Variants in ERMP1 observed in about 807,000 individuals in gnomAD.
The protein encoded by ERMP1 is Felix-ina.
A neutral mutation model predicts 92.0 loss-of-function variants in ERMP1; 86 were observed. The observed-to-expected ratio is 0.93, with a 90% confidence interval of 0.79 to 1.12. The LOEUF (loss-of-function observed/expected upper bound fraction) is 1.12, where lower values mean the gene tolerates loss of function less well. ERMP1 is among the 50% of genes most tolerant of loss of function. The pLI is 0.00. For missense variants in ERMP1, 1,342 were observed against 1,116.3 expected (o/e 1.20, Z -2.88); for synonymous variants, 530 against 412.8 (o/e 1.28, Z -3.44).
chr9:5,838,375 C>G (rs992096613), intron 6 of ERMP1, among the ~76,000 whole-genome samples: 6 of 151,910 alleles, frequency 3.9e-5, no homozygotes, highest in African/African-American at 1.5e-4. Context: ...GACCCCATCT[C>G]TACAAAAAAT....
At chr9:5,834,991 G>A (rs1830074084), upstream of ERMP1, among the ~76,000 whole-genome samples, 2 of 146,780 alleles carry the variant, frequency 1.4e-5, no homozygotes, top group Non-Finnish European at 3.0e-5. Context: ...GTGTGTGTGT[G>A]TGTGTGTGTG....
At chr9:5,816,462 T>C (rs571562464) in intron 4 of ERMP1, among the ~76,000 whole-genome samples, 37 of 152,308 alleles carry the variant, frequency 2.4e-4, no homozygotes, top group Admixed American at 2.4e-3. Flanking sequence ...GTTGATCAAC[T>C]TGGTTGGAAA....
intron 4 of ERMP1, among the ~76,000 whole-genome samples, chr9:5,815,817 A>G (rs1034403595): frequency 6.6e-6 from 1 of 152,222 alleles, no homozygotes; most frequent in African/African-American, 2.4e-5. Context: ...AGACAAACAG[A>G]TACCACATGC....
At chr9:5,857,836 A>G (rs910174679) in intron 6 of ERMP1, among the ~76,000 whole-genome samples, 6 of 152,250 alleles carry the variant, frequency 3.9e-5, no homozygotes, top group Admixed American at 2.6e-4. Flanking sequence ...AGCACCTAGC[A>G]ATAAGCTATG....
Position 5,787,186 on chromosome 9 carries a change from A to C in ERMP1, c.2673T>G (p.Phe891Leu). The stretch of plus-strand genomic sequence containing the variant: ...CGTAGGTGCACACCCAGGCAGAGGG[A>C]AATGTCCAATCTGGGAACTTTTCCT... The part of the protein sequence containing the change: ...ALKEKFPDWT[F>L]PSAWVCTYDL... The change falls in exon 15 of 15, where the codon TTT (phenylalanine) becomes TTG (leucine). Residue 891 changes from phenylalanine (F) to leucine (L), a missense_variant. Phe to Leu is a conservative substitution (Grantham distance 22). Transcript: ENST00000339450. 1 of 1,614,096 alleles carries C rather than the reference A, an allele frequency of 6.2e-7. No homozygotes were observed. Among genetic ancestry groups the C allele is most frequent in the Non-Finnish European group, 8.5e-7 (1 of 1,179,986 alleles).
At chr9:5,815,148 A>G (rs1829253254) in intron 4 of ERMP1, among the ~76,000 whole-genome samples, 1 of 152,242 alleles carries the variant, frequency 6.6e-6, no homozygotes, top group African/African-American at 2.4e-5. Context: ...CAAAACTCAT[A>G]GAATTCAAGC....
At chr9:5,808,978 C>T (rs1002474616) in intron 8 of ERMP1, among the ~76,000 whole-genome samples, 1 of 152,104 alleles carries the variant, frequency 6.6e-6, no homozygotes, top group Admixed American at 6.6e-5. Context: ...CCCAGCCTCC[C>T]AAAGTGTTGG....
At chr9:5,866,836 G>A (rs750244721) in intron 5 of ERMP1, among the ~76,000 whole-genome samples, 4 of 152,066 alleles carry the variant, frequency 2.6e-5, no homozygotes, top group Non-Finnish European at 5.9e-5. Flanking sequence ...TTTTCTATTC[G>A]TGAGCCCTCA....
chr9:5,814,360 G>A (rs559898110), intron 4 of ERMP1, among the ~76,000 whole-genome samples: 2 of 152,280 alleles, frequency 1.3e-5, no homozygotes, highest in African/African-American at 4.8e-5. Flanking sequence ...ATTGACTGAT[G>A]TAAACAGACC....
chr9:5,797,536 TACTC>T (rs1257334207), intron 13 of ERMP1, among the ~76,000 whole-genome samples: 1 of 151,246 alleles, frequency 6.6e-6, no homozygotes, highest in African/African-American at 2.4e-5. Flanking sequence ...TAATCCCAAA[TACTC>T]AGGAGGCTGA....
At chr9:5,821,996 G>A (rs1035344090) in intron 4 of ERMP1, among the ~76,000 whole-genome samples, 1 of 152,216 alleles carries the variant, frequency 6.6e-6, no homozygotes, top group African/African-American at 2.4e-5. Flanking sequence ...GCTCGTGCCT[G>A]TAATCCCAGC....
At chr9:5,815,494 C>CAAAAAAAAAA (rs3068691) in intron 4 of ERMP1, among the ~76,000 whole-genome samples, 6 of 97,416 alleles carry the variant, frequency 6.2e-5, no homozygotes, top group Admixed American at 1.0e-4. Flanking sequence ...ACTGAAATAA[C>CAAAAAAAAAA]AAAAAAAAAA....
At chr9:5,853,924 G>A (rs902077995) in intron 6 of ERMP1, among the ~76,000 whole-genome samples, 1 of 151,572 alleles carries the variant, frequency 6.6e-6, no homozygotes, top group African/African-American at 2.4e-5. Flanking sequence ...GCTTTAAACT[G>A]ACAAAAGACA....
chr9:5,794,509 G>C, intron 13 of ERMP1, among the ~76,000 whole-genome samples: 1 of 151,604 alleles, frequency 6.6e-6, no homozygotes, highest in East Asian at 1.9e-4. Context: ...CCTTCAGCCA[G>C]GCAGAGAAAA....
chr9:5,841,410 A>G (rs1350496010), intron 6 of ERMP1, among the ~76,000 whole-genome samples: 2 of 152,224 alleles, frequency 1.3e-5, no homozygotes, highest in Non-Finnish European at 2.9e-5. Context: ...AACTGCATAG[A>G]GGCAGAACAC....
At chr9:5,794,136 A>T (rs1828314703) in intron 13 of ERMP1, among the ~76,000 whole-genome samples, 1 of 152,120 alleles carries the variant, frequency 6.6e-6, no homozygotes. Flanking sequence ...ATTATCAGAA[A>T]AATAGCTGAA....
At chr9:5,799,181 AATAG>A (rs1157116248) in intron 11 of ERMP1, among the ~76,000 whole-genome samples, 173 bp from the exon 12 acceptor site, 1 of 152,206 alleles carries the variant, frequency 6.6e-6, no homozygotes, top group African/African-American at 2.4e-5. Flanking sequence ...TAAACTGGAA[AATAG>A]ATATATAGAT....
chr9:5,852,660 A>T (rs1050130933), intron 6 of ERMP1, among the ~76,000 whole-genome samples: 8 of 126,480 alleles, frequency 6.3e-5, no homozygotes, highest in East Asian at 4.2e-4. Flanking sequence ...AATGTTCATT[A>T]AAAAAAAAAA....
At position 5,822,660 on chromosome 9, in the gene ERMP1, C is replaced by G. The variant is rs1190238280; in HGVS notation, c.874+1236G>C. On this transcript the variant is annotated intron_variant, in intron 4 of 14. Coordinates refer to ENST00000339450, the MANE Select transcript of ERMP1 (RefSeq NM_024896.3). ...AACACACTCTTGAATATTAAAACAT[C>G]TAGCAAATGCTACATCTCTGGATAA... Among the ~76,000 whole-genome samples, 3 of 152,270 alleles carry G rather than the reference C, an allele frequency of 2.0e-5. No individual in the cohort carries two copies. The East Asian group carries it at 5.8e-4, about 29-fold the overall frequency.
Sources: allele counts gnomAD v4.1 joint callset (sites outside exome capture counted in the v4.1 genomes callset), GRCh38; gene constraint gnomAD v4.1.1; transcripts MANE v1.5; gene names NCBI Gene and HGNC (gene_info 2026-07-23, HGNC 2026-07-21).